PDE10A: variants seen among roughly 807,000 people sequenced by gnomAD.
The protein encoded by PDE10A is phosphodiesterase 10A.
In PDE10A, 39 loss-of-function variants were observed where a neutral mutation model predicts 97.7. The ratio of observed to expected loss-of-function variants is 0.40; its 90% CI spans 0.31 to 0.52. The LOEUF is 0.52. PDE10A is among the 20% of genes least tolerant of loss of function. PDE10A has a pLI of 0.56. For synonymous variants in PDE10A, 371 were observed against 376.8 expected (o/e 0.98, Z 0.18); for missense variants, 731 against 1,047.8 (o/e 0.70, Z 4.17).
intron 18 of PDE10A, among the ~76,000 whole-genome samples, chr6:165,346,438 G>A (rs1782314298): frequency 2.6e-5 from 4 of 152,102 alleles, no homozygotes; most frequent in African/African-American, 9.7e-5. Flanking sequence ...CTCCCCGACT[G>A]CCATGTATTA....
At chr6:165,725,656 C>A (rs1792275071) in intron 1 of PDE10A, among the ~76,000 whole-genome samples, 1 of 152,178 alleles carries the variant, frequency 6.6e-6, no homozygotes, top group Non-Finnish European at 1.5e-5. Context: ...GCTCATTCTT[C>A]ATAAAGTTGT....
chr6:165,694,116 A>G (rs1791381155), intron 1 of PDE10A, among the ~76,000 whole-genome samples: 1 of 152,216 alleles, frequency 6.6e-6, no homozygotes, highest in African/African-American at 2.4e-5. Context: ...GTGTAACATA[A>G]TTTGGCATTG....
intron 2 of PDE10A, among the ~76,000 whole-genome samples, chr6:165,494,328 A>G (rs1037029715): frequency 1.3e-5 from 2 of 152,042 alleles, no homozygotes; most frequent in Non-Finnish European, 2.9e-5. Flanking sequence ...GTATTTACCC[A>G]GAAGAAAAGA....
Position 165,388,238 on chromosome 6 carries a change from G to A in PDE10A, c.2610+60C>T. ...ATGATCTTCCTTTTCCACCTATGAA[G>A]TATCCCTATCTCCCAGACAGCCCTT... On this transcript the variant is annotated intron_variant, in intron 17 of 21. Coordinates refer to ENST00000539869, the MANE Select transcript of PDE10A (RefSeq NM_001385079.1). This position sits in a 1 kb window ranked among gnomAD's most constrained non-coding sequence, Gnocchi z 4.0. 16 of 1,504,610 alleles carry A rather than the reference G, an allele frequency of 1.1e-5. No homozygotes were observed. The highest frequency in any genetic ancestry group is 1.5e-5 in the Non-Finnish European group (16 of 1,084,652). The allele number at this position is 1,504,610 out of a possible 1,614,324, so 93.2% of individuals were successfully genotyped here.
At chr6:165,889,191 C>A (rs1398146095) in intron 1 of PDE10A, among the ~76,000 whole-genome samples, 3 of 152,170 alleles carry the variant, frequency 2.0e-5, no homozygotes, top group East Asian at 3.9e-4. Flanking sequence ...CATTTTTGCC[C>A]CTTGGGATTG....
chr6:165,575,596 A>C (rs1785263174), intron 1 of PDE10A, among the ~76,000 whole-genome samples: 1 of 152,164 alleles, frequency 6.6e-6, no homozygotes, highest in African/African-American at 2.4e-5. Context: ...AGACACTAAC[A>C]CTTCCACCAA....
At chr6:165,586,340 C>T (rs192136862) in intron 1 of PDE10A, among the ~76,000 whole-genome samples, 11 of 152,316 alleles carry the variant, frequency 7.2e-5, no homozygotes, top group Non-Finnish European at 1.2e-4. Context: ...CATTAAGTTA[C>T]TGCACAAGTA....
intron 1 of PDE10A, among the ~76,000 whole-genome samples, chr6:165,843,678 A>G (rs1780324067): frequency 6.6e-6 from 1 of 152,130 alleles, no homozygotes; most frequent in Admixed American, 6.5e-5. Context: ...TCCTATCACC[A>G]CAATGGGGAC....
At chr6:165,802,791 A>C (rs754814964) in intron 1 of PDE10A, among the ~76,000 whole-genome samples, 3 of 152,122 alleles carry the variant, frequency 2.0e-5, no homozygotes, top group African/African-American at 7.2e-5. Context: ...CCCTCTCCCT[A>C]TCCAAATTCT....
At chr6:165,690,381 C>A (rs957312647) in intron 1 of PDE10A, among the ~76,000 whole-genome samples, 2 of 152,174 alleles carry the variant, frequency 1.3e-5, no homozygotes, top group African/African-American at 4.8e-5. Context: ...CTCTCAAATT[C>A]TTACGGCAAA....
chr6:165,542,721 C>T (rs1166925551), intron 2 of PDE10A, among the ~76,000 whole-genome samples: 4 of 150,576 alleles, frequency 2.7e-5, no homozygotes, highest in East Asian at 3.9e-4. Flanking sequence ...CGGGTTCACG[C>T]CATTCTCCTG....
At chr6:165,461,965 G>C (rs1445979366) in intron 3 of PDE10A, among the ~76,000 whole-genome samples, 1 of 152,240 alleles carries the variant, frequency 6.6e-6, no homozygotes, top group Non-Finnish European at 1.5e-5. Context: ...CCTCGTTTGG[G>C]AGACTAGCTT....
chr6:165,572,239 C>G (rs530317970), intron 1 of PDE10A, among the ~76,000 whole-genome samples: 1 of 152,286 alleles, frequency 6.6e-6, no homozygotes, highest in African/African-American at 2.4e-5. Context: ...ACATAAAATT[C>G]TAATTATCGA....
At chr6:165,576,585 C>A in intron 1 of PDE10A, 2 of 659,610 alleles carry the variant, frequency 3.0e-6, no homozygotes, top group South Asian at 3.7e-5. Context: ...ACAGATAATT[C>A]TCAGCATGGC....
chr6:165,488,749 G>C (rs992665811), intron 2 of PDE10A, among the ~76,000 whole-genome samples: 1 of 152,160 alleles, frequency 6.6e-6, no homozygotes, highest in Non-Finnish European at 1.5e-5. Flanking sequence ...GTGTGTTGCG[G>C]GGCATGGTGG....
chr6:165,547,662 G>T (rs760719741), intron 1 of PDE10A, among the ~76,000 whole-genome samples: 1 of 152,128 alleles, frequency 6.6e-6, no homozygotes, highest in African/African-American at 2.4e-5. Flanking sequence ...TTAAAGAAAT[G>T]GATAAACACC....
rs1583046801 is a variant in PDE10A at position 165,330,427 on chromosome 6, A to C, written c.*2598T>G. ...CCTAACTGCATGTTTTCCAAAACAA[A>C]TCATTAACTAAATATCACTGCAACC... On this transcript the variant is annotated 3_prime_UTR_variant, in exon 22 of 22. Coordinates refer to ENST00000539869, the MANE Select transcript of PDE10A (RefSeq NM_001385079.1). 1 of 152,336 alleles carries C rather than the reference A, an allele frequency of 6.6e-6. No individual in the cohort carries two copies. Among genetic ancestry groups the C allele is most frequent in the South Asian group, 2.1e-4 (1 of 4,832 alleles). The allele number at this position is 152,336 out of a possible 1,614,324, so 9.4% of individuals were successfully genotyped here. A position where few individuals can be genotyped will look rare whatever the true frequency, so the allele number is the denominator to read the frequency against.
chr6:165,494,020 C>A (rs1169264634), intron 2 of PDE10A, among the ~76,000 whole-genome samples: 2 of 150,292 alleles, frequency 1.3e-5, no homozygotes, highest in Non-Finnish European at 3.0e-5. Flanking sequence ...CATGAATAGA[C>A]AATTCTCAAA....
At chr6:165,792,157 A>G (rs980002068) in intron 1 of PDE10A, among the ~76,000 whole-genome samples, 3 of 152,160 alleles carry the variant, frequency 2.0e-5, no homozygotes, top group African/African-American at 4.8e-5. Flanking sequence ...CGGGCCTGCA[A>G]TGTTCGCCCC....
Sources: gnomAD v4.1 joint callset for allele counts (sites outside exome capture counted in the v4.1 genomes callset) on GRCh38, gnomAD v4.1.1 for gene constraint, Gnocchi (gnomAD v3.1) non-coding constraint, MANE v1.5 for transcripts, NCBI Gene and HGNC (gene_info 2026-07-23, HGNC 2026-07-21) for gene names.